GABRB1: variants seen among roughly 807,000 people sequenced by gnomAD.
GABRB1 encodes gamma-aminobutyric acid type A receptor subunit beta1.
Under a neutral mutation model 51.6 loss-of-function variants are expected in GABRB1, and 17 were observed. The observed-to-expected ratio is 0.33, with a 90% CI of 0.23 to 0.49. The LOEUF is 0.49. Ranked by LOEUF, GABRB1 falls within the 20% of genes least tolerant of loss-of-function variation. The pLI is 0.99. For synonymous variants in GABRB1, 247 were observed against 218.9 expected (o/e 1.13, Z -1.14); for missense variants, 410 against 600.6 (o/e 0.68, Z 3.32).
chr4:46,994,254 A>T (rs1188098314), intron 1 of GABRB1: 1 of 152,242 alleles, frequency 6.6e-6, no homozygotes, highest in Non-Finnish European at 1.5e-5. Flanking sequence ...ACCCGCCTCC[A>T]CCAGACACGC....
intron 4 of GABRB1, among the ~76,000 whole-genome samples, chr4:47,172,893 C>T (rs544449329): frequency 6.6e-6 from 1 of 151,910 alleles, no homozygotes; most frequent in African/African-American, 2.4e-5. Context: ...CCACCTGCCT[C>T]GGCCACCCAA....
rs1725363710 is a variant in GABRB1 at position 47,329,064 on chromosome 4, A to C, written c.544+8855A>C. 2.0e-5 allele frequency among the ~76,000 whole-genome samples: 3 copies of C among 152,152 alleles called. No homozygotes were observed. In the South Asian group the frequency reaches 6.2e-4, roughly 32 times the overall value. On this transcript the variant is annotated intron_variant, in intron 5 of 8. Transcript: ENST00000295454. ...AGCACTACATTAACAACTGGAAATAAAATTTTTAAAGTATAGTTTTCAGAC... is the reference window on the plus strand; with the variant it reads ...AGCACTACATTAACAACTGGAAATACAATTTTTAAAGTATAGTTTTCAGAC...
intron 5 of GABRB1, among the ~76,000 whole-genome samples, chr4:47,358,365 A>G (rs896492423): frequency 6.8e-6 from 1 of 147,936 alleles, no homozygotes; most frequent in African/African-American, 2.6e-5. Context: ...GTGTGTGTGT[A>G]TATATATGTG....
intron 5 of GABRB1, among the ~76,000 whole-genome samples, chr4:47,368,253 C>A (rs1422652108): frequency 6.6e-6 from 1 of 152,130 alleles, no homozygotes; most frequent in Non-Finnish European, 1.5e-5. Context: ...CAAGAACTAC[C>A]ATGCCTACTT....
At chr4:47,141,705 G>A (rs548010906) in intron 3 of GABRB1, among the ~76,000 whole-genome samples, 2 of 151,982 alleles carry the variant, frequency 1.3e-5, no homozygotes, top group East Asian at 1.9e-4. Flanking sequence ...AAGCTAGCAC[G>A]AGAGTGCTTA....
intron 5 of GABRB1, among the ~76,000 whole-genome samples, chr4:47,388,905 C>T (rs1345224332): frequency 1.3e-5 from 2 of 152,092 alleles, no homozygotes; most frequent in Non-Finnish European, 2.9e-5. Flanking sequence ...TTTCTGTTAA[C>T]ACAGAGGTGG....
intron 5 of GABRB1, among the ~76,000 whole-genome samples, chr4:47,356,881 A>C (rs1726600323): frequency 6.6e-6 from 1 of 152,186 alleles, no homozygotes; most frequent in Non-Finnish European, 1.5e-5. Flanking sequence ...AAATGATTAC[A>C]GTAGGTCCTA....
chr4:47,262,345 A>G (rs993738786), intron 4 of GABRB1, among the ~76,000 whole-genome samples: 7 of 152,180 alleles, frequency 4.6e-5, no homozygotes, highest in African/African-American at 1.7e-4. Flanking sequence ...ACAAATTTAC[A>G]AGAAAAAAAC....
intron 5 of GABRB1, among the ~76,000 whole-genome samples, chr4:47,369,031 C>A (rs1238535655): frequency 6.6e-6 from 1 of 152,076 alleles, no homozygotes; most frequent in Admixed American, 6.5e-5. Context: ...TTGCGTGAAC[C>A]CAGGAGGCAG....
At chr4:47,238,914 C>T (rs1382381895) in intron 4 of GABRB1, among the ~76,000 whole-genome samples, 1 of 152,162 alleles carries the variant, frequency 6.6e-6, no homozygotes, top group East Asian at 1.9e-4. Context: ...AACATTAATG[C>T]TTCAGCTATT....
intron 3 of GABRB1, among the ~76,000 whole-genome samples, chr4:47,103,273 T>G (rs1293703933): frequency 6.6e-6 from 1 of 152,104 alleles, no homozygotes; most frequent in Non-Finnish European, 1.5e-5. Flanking sequence ...ATTAGCTATC[T>G]ATCAATGGCA....
At chr4:47,181,600 G>A (rs1577979617) in intron 4 of GABRB1, among the ~76,000 whole-genome samples, 2 of 151,982 alleles carry the variant, frequency 1.3e-5, no homozygotes, top group South Asian at 4.2e-4. Context: ...TCCATAAGAG[G>A]GCAAAAATAG....
At chr4:47,153,431 A>C (rs538649619) in intron 3 of GABRB1, among the ~76,000 whole-genome samples, 8 of 152,168 alleles carry the variant, frequency 5.3e-5, no homozygotes, top group African/African-American at 1.9e-4. Flanking sequence ...GTGAAATGTA[A>C]ATTTTATCAT....
intron 4 of GABRB1, among the ~76,000 whole-genome samples, chr4:47,318,938 T>C (rs1294248990): frequency 6.6e-6 from 1 of 152,110 alleles, no homozygotes; most frequent in Non-Finnish European, 1.5e-5. Flanking sequence ...CTAAAAATAC[T>C]CTATGCAAAT....
chr4:47,086,352 T>A (rs1317221109), intron 3 of GABRB1, among the ~76,000 whole-genome samples: 1 of 152,174 alleles, frequency 6.6e-6, no homozygotes, highest in Non-Finnish European at 1.5e-5. Flanking sequence ...TCCTTCAAGA[T>A]AATAATTGAT....
chr4:47,392,623 T>C (rs943695306), intron 5 of GABRB1, among the ~76,000 whole-genome samples: 26 of 152,080 alleles, frequency 1.7e-4, no homozygotes, highest in African/African-American at 6.3e-4. Flanking sequence ...ATTACAGGCG[T>C]GAGCCACCGT....
At chr4:47,246,041 T>G in intron 4 of GABRB1, among the ~76,000 whole-genome samples, 1 of 149,690 alleles carries the variant, frequency 6.7e-6, no homozygotes, top group African/African-American at 2.5e-5. Context: ...TGCACCATAT[T>G]TGTAGTCTTT....
chr4:47,313,928 C>T (rs188726311), intron 4 of GABRB1, among the ~76,000 whole-genome samples: 1 of 152,116 alleles, frequency 6.6e-6, no homozygotes, highest in Admixed American at 6.5e-5. Context: ...CAAGTTAGAC[C>T]AGTGAAATCC....
intron 4 of GABRB1, among the ~76,000 whole-genome samples, chr4:47,235,146 T>G (rs1248992352): frequency 6.6e-6 from 1 of 152,220 alleles, no homozygotes; most frequent in East Asian, 1.9e-4. Flanking sequence ...GTCCTTTGTT[T>G]CTGGTTCATT....
Sources: allele counts gnomAD v4.1 joint callset (sites outside exome capture counted in the v4.1 genomes callset), GRCh38; gene constraint gnomAD v4.1.1; transcripts MANE v1.5; gene names NCBI Gene and HGNC (gene_info 2026-07-23, HGNC 2026-07-21).